LRMDA: variants seen among roughly 807,000 people sequenced by gnomAD.
LRMDA encodes the protein leucine-rich melanocyte differentiation-associated protein.
Under a neutral mutation model 29.8 loss-of-function variants are expected in LRMDA, and 18 were observed. The observed-to-expected ratio is 0.60, with a 90% CI of 0.42 to 0.90. The LOEUF is 0.90. Ranked by LOEUF, LRMDA falls within the 40% of genes least tolerant of loss-of-function variation. The probability of loss-of-function intolerance (pLI) is 0.00; values close to 1 mark genes in which losing one functional copy is unlikely to be tolerated. For missense variants in LRMDA, 273 were observed against 273.9 expected (o/e 1.00, Z 0.02); for synonymous variants, 125 against 109.4 (o/e 1.14, Z -0.89).
At chr10:76,149,277 G>A (rs1233654729) in intron 5 of LRMDA, among the ~76,000 whole-genome samples, 1 of 152,216 alleles carries the variant, frequency 6.6e-6, no homozygotes. Context: ...GAGTGATTAG[G>A]ATGTGCTGTG....
At chr10:76,381,481 A>G (rs1000337009) in intron 6 of LRMDA, among the ~76,000 whole-genome samples, 6 of 152,140 alleles carry the variant, frequency 3.9e-5, no homozygotes, top group African/African-American at 1.4e-4. Flanking sequence ...TATTTTCATA[A>G]TTGTGCCCTG....
intron 6 of LRMDA, among the ~76,000 whole-genome samples, chr10:76,368,052 C>A (rs1423015442): frequency 6.6e-6 from 1 of 151,948 alleles, no homozygotes; most frequent in Non-Finnish European, 1.5e-5. Context: ...AAAGAACCTG[C>A]CTTTTGTTTC....
intron 2 of LRMDA, among the ~76,000 whole-genome samples, chr10:75,637,211 C>A (rs962217215): frequency 6.6e-6 from 1 of 152,178 alleles, no homozygotes; most frequent in Non-Finnish European, 1.5e-5. Context: ...TGATTCCGTT[C>A]ACCTTTGTGT....
intron 5 of LRMDA, among the ~76,000 whole-genome samples, chr10:76,271,692 GT>G (rs1483598779): frequency 6.6e-6 from 1 of 152,190 alleles, no homozygotes; most frequent in Non-Finnish European, 1.5e-5. Flanking sequence ...ACACGATTAT[GT>G]GGATGTTACA....
At chr10:76,066,254 T>C (rs1445182193) in intron 5 of LRMDA, among the ~76,000 whole-genome samples, 1 of 152,160 alleles carries the variant, frequency 6.6e-6, no homozygotes, top group East Asian at 1.9e-4. Context: ...AGTCTAGAGG[T>C]CAACTGGCTG....
Position 75,879,237 on chromosome 10 carries a change from A to T in LRMDA, c.132-156771A>T, listed in dbSNP as rs77550946. On this transcript the variant is annotated intron_variant, in intron 2 of 6. Coordinates refer to ENST00000611255, the MANE Select transcript of LRMDA (RefSeq NM_001305581.2). ...CAAGGGGCAGCGAGGCCCAGAGTGT[A>T]AGGACCACAGGGGTGAAGCAGGAGA... Among the ~76,000 whole-genome samples, 476 of 152,294 alleles carry T rather than the reference A, an allele frequency of 3.1e-3. 2 individuals carry two copies. The highest frequency in any genetic ancestry group is 0.011 in the African/African-American group (448 of 41,570).
In LRMDA at chr10:75,453,123, T is replaced by C. The variant is rs563276447; in HGVS notation, c.131+14629T>C. Among the ~76,000 whole-genome samples the C allele has an allele frequency of 2.1e-3, 323 of 152,302 alleles. 2 individuals carry two copies. Among genetic ancestry groups the C allele is most frequent in the African/African-American group, 7.4e-3 (308 of 41,570 alleles). ...AATCAGATGAGTCATATATGCAGCT[T>C]TGTTTACCCAAAAAAGATAAATTTC... On this transcript the variant is annotated intron_variant, in intron 2 of 6. Transcript: ENST00000611255.
intron 4 of LRMDA, among the ~76,000 whole-genome samples, chr10:76,055,641 G>A (rs563030167): frequency 5.3e-5 from 8 of 152,328 alleles, no homozygotes; most frequent in South Asian, 4.1e-4. Flanking sequence ...AGGGGTACAT[G>A]AGCAAGCAAG....
chr10:76,236,285 T>C (rs1852150524), intron 5 of LRMDA, among the ~76,000 whole-genome samples: 1 of 152,198 alleles, frequency 6.6e-6, no homozygotes, highest in South Asian at 2.1e-4. Context: ...GAAAGTCAGG[T>C]AACACCAGAT....
At chr10:76,315,789 C>T (rs1840689156) in intron 5 of LRMDA, among the ~76,000 whole-genome samples, 1 of 151,926 alleles carries the variant, frequency 6.6e-6, no homozygotes, top group South Asian at 2.1e-4. Context: ...GCTGCCAGTG[C>T]CGGGTGGAGT....
intron 2 of LRMDA, among the ~76,000 whole-genome samples, chr10:75,691,125 C>A (rs12762850): frequency 1.3e-5 from 1 of 78,502 alleles, no homozygotes; most frequent in South Asian, 4.0e-4. Context: ...TATCTATATA[C>A]ATAGATATAT....
chr10:76,265,261 G>A (rs1564704872), intron 5 of LRMDA, among the ~76,000 whole-genome samples: 1 of 152,142 alleles, frequency 6.6e-6, no homozygotes, highest in Non-Finnish European at 1.5e-5. Context: ...ATTTCCAAAA[G>A]AAGGGTTGAA....
At chr10:76,084,980 G>T (rs1361024265) in intron 5 of LRMDA, among the ~76,000 whole-genome samples, 2 of 152,160 alleles carry the variant, frequency 1.3e-5, no homozygotes, top group Admixed American at 6.5e-5. Flanking sequence ...TCTTTCAGTG[G>T]ACTGAATGGA....
chr10:76,539,691 T>C (rs114086266), intron 6 of LRMDA, among the ~76,000 whole-genome samples: 2,031 of 152,284 alleles, frequency 0.013, 49 homozygotes, highest in African/African-American at 0.046. Flanking sequence ...TCAAGTCAGC[T>C]GTATTTGTGG....
At chr10:75,845,953 G>A (rs1423482816) in intron 2 of LRMDA, among the ~76,000 whole-genome samples, 3 of 152,104 alleles carry the variant, frequency 2.0e-5, no homozygotes, top group Non-Finnish European at 4.4e-5. Flanking sequence ...GGAGTATATA[G>A]TCACAACTTG....
chr10:76,066,161 G>A (rs1184089444), intron 5 of LRMDA, among the ~76,000 whole-genome samples: 3 of 152,184 alleles, frequency 2.0e-5, no homozygotes, highest in African/African-American at 7.2e-5. Flanking sequence ...TTGGAGTTTT[G>A]TGAGGTTAGT....
intron 2 of LRMDA, among the ~76,000 whole-genome samples, chr10:75,903,473 A>T (rs1023675316): frequency 6.6e-6 from 1 of 152,264 alleles, no homozygotes; most frequent in Non-Finnish European, 1.5e-5. Context: ...AAATAAAATC[A>T]CTTCGCGATT....
intron 2 of LRMDA, among the ~76,000 whole-genome samples, chr10:75,750,140 G>A (rs1330344161): frequency 6.6e-6 from 1 of 152,208 alleles, no homozygotes; most frequent in Non-Finnish European, 1.5e-5. Flanking sequence ...ATGAGCTGTT[G>A]GGTACACCTC....
intron 2 of LRMDA, among the ~76,000 whole-genome samples, chr10:75,971,839 A>G (rs1004286938): frequency 6.6e-6 from 1 of 152,190 alleles, no homozygotes; most frequent in Non-Finnish European, 1.5e-5. Flanking sequence ...AGAAAACCCA[A>G]CAAAATGGGA....
Sources: allele counts gnomAD v4.1 joint callset (sites outside exome capture counted in the v4.1 genomes callset), GRCh38; gene constraint gnomAD v4.1.1; transcripts MANE v1.5; gene names NCBI Gene and HGNC (gene_info 2026-07-23, HGNC 2026-07-21).